CEACAM8: variants seen among roughly 807,000 people sequenced by gnomAD.
CEACAM8 encodes cell adhesion molecule CEACAM8.
CEACAM8 carries 31 observed loss-of-function variants against 33.4 expected under a neutral mutation model. That is an observed-to-expected ratio of 0.93 (90% CI 0.70 to 1.25). The LOEUF (loss-of-function observed/expected upper bound fraction) is 1.25, where lower values mean the gene tolerates loss of function less well. Ranked by LOEUF, CEACAM8 falls within the 50% of genes most tolerant of loss-of-function variation. The probability of loss-of-function intolerance (pLI) is 0.00; values close to 1 mark genes in which losing one functional copy is unlikely to be tolerated. For synonymous variants in CEACAM8, 138 were observed against 164.5 expected (o/e 0.84, Z 1.23); for missense variants, 388 against 434.6 (o/e 0.89, Z 0.95).
At chr19:42,588,661 GT>G in intron 4 of CEACAM8, 122 bp downstream of exon 4, 1 of 1,075,810 alleles carries the variant, frequency 9.3e-7, no homozygotes, top group Non-Finnish European at 1.4e-6. Flanking sequence ...TAGGAGAAAA[GT>G]TGGGGATTTG....
At chr19:42,583,948 A>G (rs777752609) in intron 4 of CEACAM8, among the ~76,000 whole-genome samples, 6 of 152,134 alleles carry the variant, frequency 3.9e-5, no homozygotes, top group Non-Finnish European at 8.8e-5. Flanking sequence ...TCAAATCTGC[A>G]TCGTGGTCTG....
chr19:42,586,585 C>T (rs2042340964), intron 4 of CEACAM8, among the ~76,000 whole-genome samples: 1 of 152,040 alleles, frequency 6.6e-6, no homozygotes, highest in Non-Finnish European at 1.5e-5. Context: ...AAAACTAACC[C>T]ACAGTAGATC....
rs772271701 is a variant in CEACAM8, at chr19:42,583,314, G to GA, written c.981dup (p.Pro328SerfsTer6). 2.0e-4 allele frequency: 324 copies of GA among 1,612,972 alleles called. No individual in the cohort carries two copies. Among genetic ancestry groups the GA allele is most frequent in the Non-Finnish European group, 2.7e-4 (317 of 1,179,112 alleles). ...ACAGTGGCTCTAGCTGAGAGGCCAG[G>GA]AGAACTTCCTTGTACTAAAGCATCT... On this transcript the variant is annotated frameshift_variant, in exon 5 of 6. Coordinates refer to ENST00000244336, the MANE Select transcript of CEACAM8 (RefSeq NM_001816.4). LOFTEE classifies it high-confidence loss of function.
chr19:42,588,986 C>A lies in CEACAM8; in HGVS notation c.756G>T (p.Gly252=). The A allele has an allele frequency of 6.2e-7, 1 of 1,614,072 alleles. No homozygotes were observed. The highest frequency in any genetic ancestry group is 1.1e-5 in the South Asian group (1 of 91,074). ...ISPSDTYYHA[G]VNLNLSCHAA... is the part of the protein sequence containing the mutation. ...CATGGCAGGAGAGGTTGAGATTTAC[C>A]CCTGCATGGTAATAGGTGTCTGAAG... The change falls in exon 4 of 6, where the codon GGG becomes GGT. Residue 252 remains glycine (G), a synonymous_variant. Transcript: ENST00000244336.
chr19:42,581,491 GA>G (rs1287032923), intron 5 of CEACAM8, 138 bp from the exon 6 acceptor site: 1 of 152,154 alleles, frequency 6.6e-6, no homozygotes, highest in African/African-American at 2.4e-5. Context: ...CGATTTCTAG[GA>G]AACTCATAAT....
intron 1 of CEACAM8, 59 bp downstream of exon 1, chr19:42,594,706 A>G: frequency 7.1e-7 from 1 of 1,402,490 alleles, no homozygotes; most frequent in South Asian, 1.1e-5. Flanking sequence ...TCCCCAGGAG[A>G]CCCCAGCCAG....
chr19:42,586,346 A>T lies in CEACAM8; in HGVS notation c.958+2438T>A, dbSNP rs187386531. Among the ~76,000 whole-genome samples the T allele has an allele frequency of 3.3e-3, 496 of 152,340 alleles. 3 individuals are homozygous for T. The highest frequency in any genetic ancestry group is 5.2e-3 in the Non-Finnish European group (356 of 68,036). ...AATCCTGATTTCAGCATTTACTACA[A>T]AGCCACAGTAATCAATACAATGCAG... On this transcript the variant is annotated intron_variant, in intron 4 of 5. Coordinates refer to ENST00000244336, the MANE Select transcript of CEACAM8 (RefSeq NM_001816.4).
At chr19:42,588,011 C>A (rs1370827018) in intron 4 of CEACAM8, among the ~76,000 whole-genome samples, 1 of 152,172 alleles carries the variant, frequency 6.6e-6, no homozygotes, top group Non-Finnish European at 1.5e-5. Context: ...ATGCAGAGAC[C>A]CTGTGGCTGA....
At chr19:42,582,611 T>A (rs1302223472) in intron 5 of CEACAM8, among the ~76,000 whole-genome samples, 4 of 152,190 alleles carry the variant, frequency 2.6e-5, no homozygotes, top group Non-Finnish European at 1.5e-5. Context: ...TTACCCTGTT[T>A]CTAGGCATAG....
At position 42,593,780 on chromosome 19, in the gene CEACAM8, G is replaced by C. The variant is rs1372437410; in HGVS notation, c.185C>G (p.Pro62Arg). 6.2e-7 allele frequency: 1 copy of C among 1,613,948 alleles called. No individual in the cohort carries two copies. Among genetic ancestry groups the C allele is most frequent in the African/African-American group, 1.3e-5 (1 of 74,898 alleles). ...LLLVHNLPQD[P>R]RGYNWYKGET... ...CCCTTTGTACCAGTTGTAGCCACGA[G>C]GGTCCTGGGGCAGATTGTGGACAAG... is the stretch of plus-strand genomic sequence containing the variant. The change falls in exon 2 of 6, where the codon CCT becomes CGT. Residue 62 changes from proline to arginine, a missense_variant. Coordinates refer to ENST00000244336, the MANE Select transcript of CEACAM8 (RefSeq NM_001816.4).
rs1226222202 is a variant in CEACAM8, at chr19:42,583,249, T to C, written c.1047A>G (p.Ile349Met). Residue 349 changes from isoleucine to methionine, a missense_variant, in exon 5 of 6, where the codon ATA becomes ATG. Physicochemically the swap from Ile to Met is conservative, Grantham distance 10. Coordinates refer to ENST00000244336, the MANE Select transcript of CEACAM8 (RefSeq NM_001816.4). ...TGCAGAAACTACACCAGAGCTACTA[T>C]ATCAGAGCCACCCTGGCCAGTACTC... ...MIGVLARVAL[I>M] 3.7e-6 allele frequency: 6 copies of C among 1,600,888 alleles called. No individual in the cohort carries two copies. Among genetic ancestry groups the C allele is most frequent in the South Asian group, 1.1e-5 (1 of 90,444 alleles).
rs772567241 is a variant in CEACAM8, at chr19:42,589,526, G to T, written c.634C>A (p.Pro212Thr). 8.1e-6 allele frequency: 13 copies of T among 1,614,184 alleles called. No homozygotes were observed. Among genetic ancestry groups the T allele is most frequent in the Middle Eastern group, 1.6e-4 (1 of 6,062 alleles). ...LLSVTRNDVG[P>T]YECEIQNPAS... ...GGGTTCTGTATTTCACATTCATAGG[G>T]TCCTACGTCATTCCTTGTGACACTG... is the stretch of plus-strand genomic sequence containing the variant. The change falls in exon 3 of 6, where the codon CCC (proline) becomes ACC (threonine). Residue 212 changes from proline (P) to threonine (T), a missense_variant. Pro to Thr is a conservative substitution (Grantham distance 38). Coordinates refer to ENST00000244336, the MANE Select transcript of CEACAM8 (RefSeq NM_001816.4).
At position 42,593,717 on chromosome 19, in the gene CEACAM8, A is replaced by T; in HGVS notation, c.248T>A (p.Val83Glu). The change falls in exon 2 of 6, where the codon GTA (valine) becomes GAA (glutamate). Residue 83 changes from valine to glutamate, a missense_variant. Coordinates refer to ENST00000244336, the MANE Select transcript of CEACAM8 (RefSeq NM_001816.4). ...TGGGGTAATCTGTTGATTTGATATT[A>T]CATATCCTATAATTCGACGGTTGGC... ...VDANRRIIGY[V>E]ISNQQITPGP... 1 of 1,614,054 alleles carries T rather than the reference A, an allele frequency of 6.2e-7. No homozygotes were observed. The highest frequency in any genetic ancestry group is 8.5e-7 in the Non-Finnish European group (1 of 1,179,990).
At chr19:42,589,859 G>GGT in intron 2 of CEACAM8, 124 bp from the exon 3 acceptor site, 1 of 1,546,338 alleles carries the variant, frequency 6.5e-7, no homozygotes, top group Non-Finnish European at 8.8e-7. Flanking sequence ...GCCCACGGTG[G>GGT]GTGTGTGTGT....
At chr19:42,586,628 C>G (rs191831160) in intron 4 of CEACAM8, among the ~76,000 whole-genome samples, 1 of 152,084 alleles carries the variant, frequency 6.6e-6, no homozygotes, top group African/African-American at 2.4e-5. Flanking sequence ...AACTATAAAA[C>G]TCTCAGAAGA....
chr19:42,593,623 T>C lies in CEACAM8; in HGVS notation c.342A>G (p.Arg114=). Reference sequence around the variant, plus strand: ...GTAGGGTGTAGGATCCTGTGTCATTTCTGGTGACGTTCCGCATCAGCAGGG... The same window carrying C: ...GTAGGGTGTAGGATCCTGTGTCATTCCTGGTGACGTTCCGCATCAGCAGGG... The part of the protein sequence containing the change: ...NASLLMRNVT[R]NDTGSYTLQV... The change falls in exon 2 of 6, where the codon AGA becomes AGG. Residue 114 remains arginine, a synonymous_variant. Transcript: ENST00000244336. The C allele has an allele frequency of 6.2e-7, 1 of 1,613,632 alleles. No homozygotes were observed. Among genetic ancestry groups the C allele is most frequent in the Non-Finnish European group, 8.5e-7 (1 of 1,179,666 alleles).
rs536093811 is a variant in CEACAM8 at position 42,587,665 on chromosome 19, A to G, written c.958+1119T>C. 3.9e-5 allele frequency among the ~76,000 whole-genome samples: 6 copies of G among 152,306 alleles called. No individual in the cohort carries two copies. The East Asian group carries it at 9.6e-4, about 24-fold the overall frequency. On this transcript the variant is annotated intron_variant, in intron 4 of 5. Coordinates refer to ENST00000244336, the MANE Select transcript of CEACAM8 (RefSeq NM_001816.4). ...ATGGTAAGATGAAAAAGTTCTGGAA[A>G]TGGATGGTGGTGATGGTTACATAAC... is the stretch of plus-strand genomic sequence containing the variant.
rs2042516139 is a variant in CEACAM8 at position 42,594,785 on chromosome 19, C to G, written c.44G>C (p.Trp15Ser). Residue 15 changes from tryptophan (W) to serine (S), a missense_variant, in exon 1 of 6, where the codon TGG (tryptophan) becomes TCG (serine). Transcript: ENST00000244336. The stretch of plus-strand genomic sequence containing the variant: ...CTCACCTGTGAGCAGGAGCCCCTGC[C>G]AGGGGATGCGCCATCTGCAGGAAGG... ...SAPSCRWRIP[W>S]QGLLLTASLF... is the part of the protein sequence containing the mutation. 1.2e-6 allele frequency: 2 copies of G among 1,611,194 alleles called. No individual in the cohort carries two copies. Among genetic ancestry groups the G allele is most frequent in the East Asian group, 4.5e-5 (2 of 44,786 alleles).
rs2042250521 is a variant in CEACAM8 at position 42,580,930 on chromosome 19, A to T, written c.*464T>A. The T allele has an allele frequency of 6.6e-6, 1 of 152,020 alleles. No individual in the cohort carries two copies. Among genetic ancestry groups the T allele is most frequent in the African/African-American group, 2.4e-5 (1 of 41,388 alleles). 9.4% of individuals were successfully genotyped at this position (152,020 alleles called of 1,614,324 possible). ...CCCGTCTCTACTAAAAATACAAAAA[A>T]TTAGCCGGGCGTTGTGGCAGGCGCC... On this transcript the variant is annotated 3_prime_UTR_variant, in exon 6 of 6. Coordinates refer to ENST00000244336, the MANE Select transcript of CEACAM8 (RefSeq NM_001816.4).
Sources: gnomAD v4.1 joint callset for allele counts (sites outside exome capture counted in the v4.1 genomes callset) on GRCh38, gnomAD v4.1.1 for gene constraint, MANE v1.5 for transcripts, NCBI Gene and HGNC (gene_info 2026-07-23, HGNC 2026-07-21) for gene names.